OSBPL8: variants seen among roughly 807,000 people sequenced by gnomAD.
The protein encoded by OSBPL8 is oxysterol binding protein like 8.
In OSBPL8, 59 loss-of-function variants were observed where a neutral mutation model predicts 125.5. The ratio of observed to expected loss-of-function variants is 0.47; its 90% CI spans 0.38 to 0.58. The LOEUF (loss-of-function observed/expected upper bound fraction) is 0.58, where lower values mean the gene tolerates loss of function less well. Ranked by LOEUF, OSBPL8 falls within the 20% of genes least tolerant of loss-of-function variation. The pLI is 0.00. For missense variants in OSBPL8, 758 were observed against 1,047.8 expected (o/e 0.72, Z 3.82); for synonymous variants, 330 against 338.9 (o/e 0.97, Z 0.29).
At chr12:76,549,476 T>C (rs1470952274) in intron 1 of OSBPL8, among the ~76,000 whole-genome samples, 1 of 152,202 alleles carries the variant, frequency 6.6e-6, no homozygotes, top group Non-Finnish European at 1.5e-5. Flanking sequence ...AGTAGTTTGA[T>C]CTCGGCTCAC....
intron 10 of OSBPL8, among the ~76,000 whole-genome samples, chr12:76,391,798 A>G (rs546941750): frequency 3.9e-5 from 6 of 152,302 alleles, no homozygotes; most frequent in African/African-American, 1.4e-4. Context: ...ACAGAAAAAA[A>G]AAAGAAACAA....
chr12:76,364,325 A>C (rs1373359814), intron 21 of OSBPL8, among the ~76,000 whole-genome samples: 1 of 152,234 alleles, frequency 6.6e-6, no homozygotes, highest in African/African-American at 2.4e-5. Context: ...CAGCCATAAA[A>C]AAGGATGACT....
chr12:76,500,538 A>T (rs541296709), intron 1 of OSBPL8, among the ~76,000 whole-genome samples: 1 of 152,278 alleles, frequency 6.6e-6, no homozygotes, highest in South Asian at 2.1e-4. Flanking sequence ...TTAAAATTGC[A>T]TATGTTCCTA....
In OSBPL8 at chr12:76,399,886, G is replaced by A. The variant is rs779316678; in HGVS notation, c.455C>T (p.Ala152Val). ...TITDPSVIVM[A>V]DWLKIRGTLK... ...AAACACACTGACCTTTAACCAATCA[G>A]CCATAACAATAACAGAAGGATCTGT... The change falls in exon 7 of 24, where the codon GCT (alanine) becomes GTT (valine). Residue 152 changes from alanine to valine, a missense_variant. Coordinates refer to ENST00000261183, the MANE Select transcript of OSBPL8 (RefSeq NM_020841.5). 1 of 1,598,238 alleles carries A rather than the reference G, an allele frequency of 6.3e-7. No homozygotes were observed. Among genetic ancestry groups the A allele is most frequent in the East Asian group, 2.2e-5 (1 of 44,590 alleles).
chr12:76,404,786 T>C (rs1164086325), intron 5 of OSBPL8, among the ~76,000 whole-genome samples: 2 of 152,248 alleles, frequency 1.3e-5, no homozygotes, highest in South Asian at 2.1e-4. Context: ...GTAAGGCTTC[T>C]GGTCAACAGT....
rs75041917 is a variant in OSBPL8, at chr12:76,387,349, C to T, written c.1353-689G>A. Among the ~76,000 whole-genome samples the T allele has an allele frequency of 6.8e-3, 1,041 of 152,226 alleles. 5 individuals are homozygous for T. Among genetic ancestry groups the T allele is most frequent in the African/African-American group, 0.02 (814 of 41,528 alleles). On this transcript the variant is annotated intron_variant, in intron 12 of 23. Transcript: ENST00000261183. ...CAGAGCCAAAATAATTAAATCAATA[C>T]GGAAGGTTTTAACCTATTTTTATTC...
intron 3 of OSBPL8, among the ~76,000 whole-genome samples, chr12:76,451,599 T>G (rs1398834490): frequency 6.6e-6 from 1 of 152,192 alleles, no homozygotes; most frequent in Non-Finnish European, 1.5e-5. Flanking sequence ...TTCCAAAGTC[T>G]GTCTCTTAAA....
intron 1 of OSBPL8, among the ~76,000 whole-genome samples, chr12:76,529,080 T>C (rs1032878360): frequency 6.8e-6 from 1 of 147,042 alleles, no homozygotes; most frequent in African/African-American, 2.5e-5. Context: ...TTTTTTTAAC[T>C]ATGACAAAGC....
At chr12:76,479,991 A>C (rs1877277447) in intron 2 of OSBPL8, among the ~76,000 whole-genome samples, 1 of 151,696 alleles carries the variant, frequency 6.6e-6, no homozygotes, top group African/African-American at 2.4e-5. Flanking sequence ...ACACGGAGAA[A>C]CTCTGTCTCT....
intron 1 of OSBPL8, among the ~76,000 whole-genome samples, chr12:76,532,716 CA>C (rs199884924): frequency 4.6e-4 from 62 of 134,008 alleles, no homozygotes; most frequent in South Asian, 2.3e-3. Flanking sequence ...AAGGAGTGGA[CA>C]AAAAAAAAAA....
intron 4 of OSBPL8, among the ~76,000 whole-genome samples, chr12:76,443,562 G>A (rs1266903996): frequency 3.9e-5 from 6 of 152,130 alleles, no homozygotes; most frequent in African/African-American, 1.4e-4. Flanking sequence ...AGGCTGGAGT[G>A]CAGTGGCGCG....
At chr12:76,490,192 C>A (rs1394309538) in intron 1 of OSBPL8, among the ~76,000 whole-genome samples, 4 of 152,204 alleles carry the variant, frequency 2.6e-5, no homozygotes, top group African/African-American at 9.6e-5. Context: ...ATGCTGTGAA[C>A]ACTGCTGAAA....
rs556804864 is a variant in OSBPL8, at chr12:76,475,956, A to G, written c.42+11554T>C. On this transcript the variant is annotated intron_variant, in intron 2 of 23. Transcript: ENST00000261183. ...TGCAGTACTGTTGCAGTACACACAT[A>G]CCAAATGCAGGCAGAGAGGCCAACT... Among the ~76,000 whole-genome samples the G allele has an allele frequency of 1.8e-4, 28 of 152,316 alleles. 1 individual carries two copies. In the South Asian group the frequency reaches 5.6e-3, roughly 30 times the overall value.
At chr12:76,487,729 A>G (rs1292800865) in intron 1 of OSBPL8, 111 bp from the exon 2 acceptor site, 4 of 423,858 alleles carry the variant, frequency 9.4e-6, no homozygotes, top group Non-Finnish European at 1.6e-5. Context: ...GGTTATTTGG[A>G]AATTCAATAA....
chr12:76,494,079 T>C (rs1879017177), intron 1 of OSBPL8, among the ~76,000 whole-genome samples: 1 of 152,196 alleles, frequency 6.6e-6, no homozygotes, highest in South Asian at 2.1e-4. Context: ...TGTTCTCCTG[T>C]AGTTCACTGA....
At chr12:76,365,870 CCT>C (rs1169628200) in intron 21 of OSBPL8, among the ~76,000 whole-genome samples, 8 of 152,074 alleles carry the variant, frequency 5.3e-5, no homozygotes, top group African/African-American at 1.9e-4. Context: ...GATTTTCCCC[CCT>C]CTTAATGTGA....
At chr12:76,389,099 C>G (rs2136286343) in intron 12 of OSBPL8, among the ~76,000 whole-genome samples, 1 of 152,292 alleles carries the variant, frequency 6.6e-6, no homozygotes, top group East Asian at 1.9e-4. Context: ...GATAGCACCT[C>G]CTCTGCCTCC....
chr12:76,363,656 A>G (rs933414232), intron 21 of OSBPL8, among the ~76,000 whole-genome samples: 1 of 152,216 alleles, frequency 6.6e-6, no homozygotes, highest in Non-Finnish European at 1.5e-5. Flanking sequence ...AAAATTGACA[A>G]ATGGGATCTA....
chr12:76,426,749 G>A (rs1445333094), intron 4 of OSBPL8, among the ~76,000 whole-genome samples: 1 of 152,056 alleles, frequency 6.6e-6, no homozygotes, highest in African/African-American at 2.4e-5. Context: ...TTAAAACAAA[G>A]TTCTCAGATT....
Sources: gnomAD v4.1 joint callset for allele counts (sites outside exome capture counted in the v4.1 genomes callset) on GRCh38, gnomAD v4.1.1 for gene constraint, MANE v1.5 for transcripts, NCBI Gene and HGNC (gene_info 2026-07-23, HGNC 2026-07-21) for gene names.